SPECC1: variants seen among roughly 807,000 people sequenced by gnomAD.
The protein encoded by SPECC1 is cytospin-B.
A neutral mutation model predicts 104.1 loss-of-function variants in SPECC1; 62 were observed. The observed-to-expected ratio is 0.60, with a 90% CI of 0.49 to 0.74. The LOEUF (loss-of-function observed/expected upper bound fraction) is 0.74, where lower values mean the gene tolerates loss of function less well. Ranked by LOEUF, SPECC1 falls within the 30% of genes least tolerant of loss-of-function variation. SPECC1 has a pLI of 0.00. For synonymous variants in SPECC1, 513 were observed against 501.6 expected (o/e 1.02, Z -0.30); for missense variants, 1,306 against 1,310.5 (o/e 1.00, Z 0.05).
At chr17:20,040,329 T>C (rs2045274990) in intron 1 of SPECC1, among the ~76,000 whole-genome samples, 1 of 152,210 alleles carries the variant, frequency 6.6e-6, no homozygotes, top group African/African-American at 2.4e-5. Flanking sequence ...GACAGGGTTA[T>C]AATTTTTGCT....
chr17:20,143,420 A>G (rs1597806905), intron 3 of SPECC1, among the ~76,000 whole-genome samples: 1 of 151,316 alleles, frequency 6.6e-6, no homozygotes, highest in Admixed American at 6.6e-5. Context: ...GTGGTGGCTC[A>G]TGCCTGTAAT....
intron 4 of SPECC1, among the ~76,000 whole-genome samples, chr17:20,226,588 GA>G (rs1205990631): frequency 6.6e-6 from 1 of 152,194 alleles, no homozygotes; most frequent in African/African-American, 2.4e-5. Context: ...AAAGTAAAAA[GA>G]TTTTGCAAAT....
At chr17:20,083,232 C>T (rs1056927309) in intron 1 of SPECC1, among the ~76,000 whole-genome samples, 1 of 152,232 alleles carries the variant, frequency 6.6e-6, no homozygotes, top group African/African-American at 2.4e-5. Context: ...CAGCCAGCTG[C>T]TGGTGGGGCC....
chr17:20,309,631 TA>T (rs1443059459), intron 14 of SPECC1, among the ~76,000 whole-genome samples: 3 of 152,114 alleles, frequency 2.0e-5, no homozygotes, highest in Admixed American at 6.6e-5. Flanking sequence ...GCTCCATTTA[TA>T]AGTGAGAACA....
Position 20,015,279 on chromosome 17 carries a change from TTCTG to T in SPECC1, c.-22+5859_-22+5862del, listed in dbSNP as rs1567793316. ...AATAAGCATTTTTTTCTCTCAAATA[TTCTG>T]TCTTTTTTAATTTAATTTTTTTTTT... On this transcript the variant is annotated intron_variant, in intron 1 of 14. Transcript: ENST00000395527. 2.6e-5 allele frequency among the ~76,000 whole-genome samples: 4 copies of T among 152,166 alleles called. No homozygotes were observed. In the South Asian group the frequency reaches 6.2e-4, roughly 24 times the overall value.
chr17:20,292,893 G>A (rs1017894475), intron 12 of SPECC1, among the ~76,000 whole-genome samples: 2 of 152,172 alleles, frequency 1.3e-5, no homozygotes, highest in East Asian at 1.9e-4. Context: ...GATACTCCTC[G>A]CTGGGGAAAT....
intron 3 of SPECC1, among the ~76,000 whole-genome samples, chr17:20,128,999 C>A (rs2049462193): frequency 6.6e-6 from 1 of 151,614 alleles, no homozygotes. Flanking sequence ...CTCAAACGAT[C>A]CTCCTGCCTC....
chr17:20,048,274 C>G (rs2045614692), intron 1 of SPECC1, among the ~76,000 whole-genome samples: 1 of 151,872 alleles, frequency 6.6e-6, no homozygotes, highest in African/African-American at 2.4e-5. Flanking sequence ...GCTGGGACTA[C>G]AGGCACCTGC....
chr17:20,267,096 C>T (rs151043881), intron 12 of SPECC1, among the ~76,000 whole-genome samples: 1 of 152,174 alleles, frequency 6.6e-6, no homozygotes, highest in Non-Finnish European at 1.5e-5. Flanking sequence ...TTTGCCCTCA[C>T]TACGAAGTGA....
intron 14 of SPECC1, among the ~76,000 whole-genome samples, chr17:20,307,271 CAAT>C (rs1406047209): frequency 1.2e-4 from 18 of 152,156 alleles, no homozygotes; most frequent in African/African-American, 4.1e-4. Flanking sequence ...ATTTTCTTAA[CAAT>C]AGTAGTTTTA....
At chr17:20,268,283 T>A (rs1275808634) in intron 12 of SPECC1, among the ~76,000 whole-genome samples, 1 of 152,172 alleles carries the variant, frequency 6.6e-6, no homozygotes, top group Non-Finnish European at 1.5e-5. Flanking sequence ...GACCTATATC[T>A]TCTTCTCTTT....
chr17:20,164,166 G>A (rs1045889535), intron 3 of SPECC1, among the ~76,000 whole-genome samples: 3 of 148,416 alleles, frequency 2.0e-5, no homozygotes, highest in African/African-American at 7.5e-5. Flanking sequence ...TTCTTCCCAT[G>A]TAATTTTTTT....
chr17:20,227,626 TG>T lies in SPECC1; in HGVS notation c.2071+10del, dbSNP rs2038305918. The T allele has an allele frequency of 6.2e-7, 1 of 1,610,720 alleles. No homozygotes were observed. Among genetic ancestry groups the T allele is most frequent in the East Asian group, 2.2e-5 (1 of 44,824 alleles). ...ACTCATCAGTGAGCTAGAAAGTAAG[TG>T]GGGTCTGCCAGGCATGGTGGCTCAC... On this transcript the variant is annotated splice_region_variant and intron_variant, in intron 5 of 14. Transcript: ENST00000395527.
intron 3 of SPECC1, chr17:20,156,189 G>T (rs1267847784): frequency 6.9e-7 from 1 of 1,446,338 alleles, no homozygotes; most frequent in Admixed American, 2.8e-5. Context: ...TGCCCGAGTC[G>T]GCCAAGCATG....
At chr17:20,131,903 T>C (rs577755947) in intron 3 of SPECC1, among the ~76,000 whole-genome samples, 1 of 152,264 alleles carries the variant, frequency 6.6e-6, no homozygotes, top group East Asian at 1.9e-4. Flanking sequence ...CCGCCCGCCT[T>C]GGCCTCCCAA....
At chr17:20,289,913 G>T (rs576672947) in intron 12 of SPECC1, among the ~76,000 whole-genome samples, 10 of 152,312 alleles carry the variant, frequency 6.6e-5, no homozygotes, top group African/African-American at 2.2e-4. Flanking sequence ...AAAGTCTGAG[G>T]CAGGGAAACT....
At chr17:20,071,303 C>T (rs1423368733) in intron 1 of SPECC1, among the ~76,000 whole-genome samples, 1 of 152,102 alleles carries the variant, frequency 6.6e-6, no homozygotes, top group African/African-American at 2.4e-5. Context: ...CTTTCTATTC[C>T]TGAACCATGC....
chr17:20,176,419 C>A (rs56009494), intron 3 of SPECC1, among the ~76,000 whole-genome samples: 7,975 of 152,262 alleles, frequency 0.052, 291 homozygotes, highest in Non-Finnish European at 0.079. Flanking sequence ...GTGTCCCTCT[C>A]CTTCTCCCAC....
chr17:20,160,379 G>T (rs1211913260), intron 3 of SPECC1, among the ~76,000 whole-genome samples: 1 of 152,014 alleles, frequency 6.6e-6, no homozygotes, highest in Admixed American at 6.6e-5. Flanking sequence ...AGGTTTTAGG[G>T]GCCAGGCCTA....
Sources: gnomAD v4.1 joint callset for allele counts (sites outside exome capture counted in the v4.1 genomes callset) on GRCh38, gnomAD v4.1.1 for gene constraint, MANE v1.5 for transcripts, NCBI Gene and HGNC (gene_info 2026-07-23, HGNC 2026-07-21) for gene names.